The following ASCC3 variants were observed in gnomAD, a reference collection of about 807,000 sequenced individuals.
The protein encoded by ASCC3 is activating signal cointegrator 1 complex subunit 3.
Under a neutral mutation model 256.3 loss-of-function variants are expected in ASCC3, and 158 were observed. That is an observed-to-expected ratio of 0.62 (90% confidence interval 0.54 to 0.70). The LOEUF (loss-of-function observed/expected upper bound fraction) is 0.70, where lower values mean the gene tolerates loss of function less well. Ranked by LOEUF, ASCC3 falls within the 30% of genes least tolerant of loss-of-function variation. The probability of loss-of-function intolerance (pLI) is 0.00; values close to 1 mark genes in which losing one functional copy is unlikely to be tolerated. For missense variants in ASCC3, 2,259 were observed against 2,626.0 expected (o/e 0.86, Z 3.05); for synonymous variants, 948 against 883.4 (o/e 1.07, Z -1.30).
At chr6:100,717,433 T>A (rs550134226) in intron 12 of ASCC3, among the ~76,000 whole-genome samples, 22 of 151,772 alleles carry the variant, frequency 1.4e-4, no homozygotes, top group African/African-American at 5.1e-4. Context: ...TTGAATAGGA[T>A]GATAATTGTT....
intron 36 of ASCC3, among the ~76,000 whole-genome samples, chr6:100,585,993 G>C (rs1168110838): frequency 6.6e-6 from 1 of 152,138 alleles, no homozygotes; most frequent in South Asian, 2.1e-4. Context: ...TGCTCCTACT[G>C]GGGGGTGCCT....
intron 10 of ASCC3, among the ~76,000 whole-genome samples, chr6:100,763,949 T>C (rs1373443210): frequency 7.3e-6 from 1 of 137,734 alleles, no homozygotes; most frequent in African/African-American, 2.5e-5. Flanking sequence ...AGACTAGGCA[T>C]AAGTCTAAGT....
At chr6:100,512,625 A>G (rs1017124517) in intron 40 of ASCC3, 84 bp downstream of exon 40, 5 of 1,332,710 alleles carry the variant, frequency 3.8e-6, no homozygotes, top group Non-Finnish European at 5.4e-6. Flanking sequence ...TGACACGGGC[A>G]CATTAGTCAC....
intron 37 of ASCC3, among the ~76,000 whole-genome samples, chr6:100,528,366 A>T (rs943847746): frequency 1.3e-5 from 2 of 152,220 alleles, no homozygotes; most frequent in African/African-American, 4.8e-5. Context: ...TTTTGCAAAT[A>T]TAGGAAGGTT....
chr6:100,837,900 G>T (rs930595514), intron 4 of ASCC3, among the ~76,000 whole-genome samples: 3 of 152,008 alleles, frequency 2.0e-5, no homozygotes, highest in Non-Finnish European at 2.9e-5. Context: ...ATGTAAAAAA[G>T]GAATGATAAA....
intron 8 of ASCC3, among the ~76,000 whole-genome samples, chr6:100,775,682 C>T (rs1782152842): frequency 6.6e-6 from 1 of 151,912 alleles, no homozygotes; most frequent in South Asian, 2.1e-4. Context: ...AAAAACCCTC[C>T]AAAACTTCCT....
chr6:100,767,007 A>G (rs990198581), intron 9 of ASCC3, 138 bp downstream of exon 9: 9 of 919,580 alleles, frequency 9.8e-6, no homozygotes, highest in Non-Finnish European at 1.5e-5. Context: ...AATAGTAATG[A>G]AGTAAATCAA....
At chr6:100,585,627 C>G (rs891781657) in intron 36 of ASCC3, among the ~76,000 whole-genome samples, 1 of 152,182 alleles carries the variant, frequency 6.6e-6, no homozygotes, top group African/African-American at 2.4e-5. Context: ...TGGTGAGGAA[C>G]TGTGTTCCTT....
intron 24 of ASCC3, 79 bp downstream of exon 24, chr6:100,642,502 G>T: frequency 7.1e-7 from 1 of 1,417,846 alleles, no homozygotes; most frequent in Non-Finnish European, 1.0e-6. Context: ...ACTTTATTAC[G>T]GTGTAGACAT....
intron 4 of ASCC3, among the ~76,000 whole-genome samples, chr6:100,811,839 G>A (rs1770485001): frequency 6.6e-6 from 1 of 152,144 alleles, no homozygotes; most frequent in Admixed American, 6.6e-5. Flanking sequence ...GAGCCCATTG[G>A]GTTCAGGATA....
At chr6:100,695,346 C>T (rs557960422) in intron 13 of ASCC3, among the ~76,000 whole-genome samples, 3 of 152,160 alleles carry the variant, frequency 2.0e-5, no homozygotes, top group African/African-American at 7.2e-5. Flanking sequence ...CATTATTATT[C>T]CTTATTAATA....
rs1004885862 is a variant in ASCC3 at position 100,508,398 on chromosome 6, G to T, written c.*988C>A. ...CTAGAATGCATATTATATGAACATT[G>T]AATTTTAACAAGTTTTTAGTTTGAA... On this transcript the variant is annotated 3_prime_UTR_variant, in exon 42 of 42. Coordinates refer to ENST00000369162, the MANE Select transcript of ASCC3 (RefSeq NM_006828.4). 10 of 152,088 alleles carry T rather than the reference G, an allele frequency of 6.6e-5. No homozygotes were observed. Among genetic ancestry groups the T allele is most frequent in the African/African-American group, 2.4e-4 (10 of 41,426 alleles). The allele number at this position is 152,088 out of a possible 1,614,324, so 9.4% of individuals were successfully genotyped here.
At chr6:100,810,744 T>C (rs116707724) in intron 4 of ASCC3, among the ~76,000 whole-genome samples, 2,215 of 152,290 alleles carry the variant, frequency 0.015, 47 homozygotes, top group African/African-American at 0.051. Context: ...TCTTGTGTTG[T>C]TGTTGCTGTT....
rs1199431156 is a variant in ASCC3, at chr6:100,510,088, G to A, written c.6305C>T (p.Ala2102Val). ...TGATTTGGGAAATCGAGGAGTAACT[G>A]CACAGCTCTCTGGCTTTCCCTGTAA... ...GFHKGKPESCAVTPRFPKSKD... is the reference protein window; with the variant it reads ...GFHKGKPESCVVTPRFPKSKD... The change falls in exon 41 of 42, where the codon GCA becomes GTA. Residue 2102 changes from alanine (A) to valine (V), a missense_variant. Ala to Val is a moderately conservative substitution (Grantham distance 64, BLOSUM62 0). Around this residue, in one of 2 missense-constraint regions of ASCC3, gnomAD observed 1,839 missense variants for 2,206.7 expected, o/e 0.83. Coordinates refer to ENST00000369162, the MANE Select transcript of ASCC3 (RefSeq NM_006828.4). The A allele has an allele frequency of 6.2e-7, 1 of 1,614,056 alleles. No homozygotes were observed. The highest frequency in any genetic ancestry group is 1.1e-5 in the South Asian group (1 of 91,080).
chr6:100,716,317 C>T (rs1370312429), intron 12 of ASCC3, among the ~76,000 whole-genome samples: 1 of 151,538 alleles, frequency 6.6e-6, no homozygotes, highest in African/African-American at 2.4e-5. Context: ...TTAAAAGGGT[C>T]TCATATTCCT....
At chr6:100,831,574 G>C (rs1051935499) in intron 4 of ASCC3, among the ~76,000 whole-genome samples, 16 of 152,072 alleles carry the variant, frequency 1.1e-4, no homozygotes, top group African/African-American at 3.9e-4. Flanking sequence ...ATTAGGCATG[G>C]AGCTTCTGCG....
At chr6:100,706,009 C>G (rs1778563725) in intron 13 of ASCC3, among the ~76,000 whole-genome samples, 1 of 151,826 alleles carries the variant, frequency 6.6e-6, no homozygotes, top group African/African-American at 2.4e-5. Flanking sequence ...AAATCTCTCT[C>G]TCTACATATA....
chr6:100,597,488 A>G (rs1036561440), intron 34 of ASCC3, among the ~76,000 whole-genome samples: 2 of 152,176 alleles, frequency 1.3e-5, no homozygotes, highest in Non-Finnish European at 2.9e-5. Context: ...ACAGAAAGTA[A>G]GAGTTGCCAA....
At position 100,800,424 on chromosome 6, in the gene ASCC3, G is replaced by T. The variant is rs775509381; in HGVS notation, c.1003C>A (p.Gln335Lys). ...QVTIQSEQEKQLMKQYRREEK... is the reference protein window; with the variant it reads ...QVTIQSEQEKKLMKQYRREEK... ...TCACGTCGATATTGTTTCATTAACTGCTTTTCTTGTTCAGACTGAATAGTG... is the reference window on the plus strand; with the variant it reads ...TCACGTCGATATTGTTTCATTAACTTCTTTTCTTGTTCAGACTGAATAGTG... The change falls in exon 6 of 42, where the codon CAG (glutamine) becomes AAG (lysine). Residue 335 changes from glutamine to lysine, a missense_variant. Coordinates refer to ENST00000369162, the MANE Select transcript of ASCC3 (RefSeq NM_006828.4). The T allele has an allele frequency of 6.2e-7, 1 of 1,612,390 alleles. No homozygotes were observed. Among genetic ancestry groups the T allele is most frequent in the Non-Finnish European group, 8.5e-7 (1 of 1,179,168 alleles).
Sources: gnomAD v4.1 joint callset for allele counts (sites outside exome capture counted in the v4.1 genomes callset) on GRCh38, gnomAD v4.1.1 for gene constraint, gnomAD v4.1.1 regional missense constraint, MANE v1.5 for transcripts, NCBI Gene and HGNC (gene_info 2026-07-23, HGNC 2026-07-21) for gene names.